BBS4: variants seen among roughly 807,000 people sequenced by gnomAD.
BBS4 encodes BBSome complex member BBS4.
A neutral mutation model predicts 71.4 loss-of-function variants in BBS4; 58 were observed. The observed-to-expected ratio is 0.81, with a 90% CI of 0.66 to 1.01. The LOEUF is 1.01. BBS4 is among the 50% of genes least tolerant of loss of function. The probability of loss-of-function intolerance (pLI) is 0.00; values close to 1 mark genes in which losing one functional copy is unlikely to be tolerated. For synonymous variants in BBS4, 228 were observed against 216.8 expected (o/e 1.05, Z -0.46); for missense variants, 660 against 607.9 (o/e 1.09, Z -0.90).
intron 2 of BBS4, among the ~76,000 whole-genome samples, chr15:72,700,468 T>C (rs2065151185): frequency 6.6e-6 from 1 of 152,238 alleles, no homozygotes; most frequent in Admixed American, 6.5e-5. Flanking sequence ...TATCAGTCTT[T>C]TTCATATTAG....
chr15:72,722,061 T>A (rs527654820), intron 6 of BBS4, among the ~76,000 whole-genome samples: 23 of 152,316 alleles, frequency 1.5e-4, no homozygotes, highest in Non-Finnish European at 2.9e-4. Context: ...TATAGCTTCA[T>A]ACAGACTCTG....
chr15:72,693,869 T>C (rs958686977), intron 1 of BBS4, among the ~76,000 whole-genome samples: 8 of 152,100 alleles, frequency 5.3e-5, no homozygotes, highest in Non-Finnish European at 1.2e-4. Context: ...TGTCAGTCTT[T>C]TTTGTTTTTC....
chr15:72,704,899 AAAC>A (rs2065236297), intron 2 of BBS4, among the ~76,000 whole-genome samples: 2 of 152,154 alleles, frequency 1.3e-5, no homozygotes, highest in Non-Finnish European at 2.9e-5. Context: ...AAACAAAACA[AAAC>A]AAAACAAAAA....
chr15:72,716,467 A>G (rs1260120827), intron 5 of BBS4, among the ~76,000 whole-genome samples: 2 of 152,212 alleles, frequency 1.3e-5, no homozygotes, highest in Non-Finnish European at 2.9e-5. Flanking sequence ...TTAACATGGT[A>G]TATCATTAGG....
intron 13 of BBS4, 104 bp downstream of exon 13, chr15:72,735,286 C>G: frequency 1.2e-6 from 1 of 864,252 alleles, no homozygotes; most frequent in Non-Finnish European, 1.9e-6. Context: ...CCCAGCTGTT[C>G]CTCTATGGCA....
chr15:72,710,589 C>T (rs940081345), intron 3 of BBS4, among the ~76,000 whole-genome samples: 1 of 152,092 alleles, frequency 6.6e-6, no homozygotes, highest in African/African-American at 2.4e-5. Context: ...TTCTCTGTAT[C>T]TTTGGTGACA....
At chr15:72,735,783 G>C in intron 13 of BBS4, 42 bp from the exon 14 acceptor site, 1 of 1,613,382 alleles carries the variant, frequency 6.2e-7, no homozygotes. Flanking sequence ...ATGACCATTT[G>C]TTGCAGAGCC....
intron 2 of BBS4, among the ~76,000 whole-genome samples, chr15:72,704,822 G>T (rs944072581): frequency 6.6e-6 from 1 of 152,034 alleles, no homozygotes; most frequent in Admixed American, 6.6e-5. Context: ...GGAGATTGCG[G>T]TGAGCTAAGA....
At position 72,731,359 on chromosome 15, in the gene BBS4, C is replaced by T. The variant is rs762950416; in HGVS notation, c.766C>T (p.Leu256Phe). Residue 256 changes from leucine to phenylalanine, a missense_variant, in exon 11 of 16, where the codon CTC (leucine) becomes TTC (phenylalanine). By Grantham distance (22) the Leu-to-Phe change is conservative. Transcript: ENST00000268057. ...MQTHGDFDVA[L>F]TKYRVVACAV... The stretch of plus-strand genomic sequence containing the variant: ...GACCCACGGGGACTTTGATGTTGCC[C>T]TCACCAAATACAGAGTTGTGGCTTG... 1.2e-6 allele frequency: 2 copies of T among 1,614,012 alleles called. No individual in the cohort carries two copies. Among genetic ancestry groups the T allele is most frequent in the African/African-American group, 2.7e-5 (2 of 74,892 alleles).
chr15:72,727,533 C>T (rs1426274328), intron 8 of BBS4, among the ~76,000 whole-genome samples: 2 of 152,016 alleles, frequency 1.3e-5, no homozygotes, highest in Admixed American at 6.6e-5. Context: ...ATTATGCTGC[C>T]TGGCATTGTG....
At chr15:72,736,669 C>A in intron 14 of BBS4, 93 bp from the exon 15 acceptor site, 1 of 1,204,634 alleles carries the variant, frequency 8.3e-7, no homozygotes, top group Non-Finnish European at 1.2e-6. Flanking sequence ...GACACTATTT[C>A]AGCTAAAACC....
rs368501923 is a variant in BBS4, at chr15:72,705,058, A to T, written c.77-4642A>T. 4.5e-4 allele frequency among the ~76,000 whole-genome samples: 69 copies of T among 152,312 alleles called. 1 individual carries two copies. Among genetic ancestry groups the T allele is most frequent in the African/African-American group, 1.5e-3 (62 of 41,560 alleles). On this transcript the variant is annotated intron_variant, in intron 2 of 15. Transcript: ENST00000268057. ...ATTTTATTTCCTGACCCTTCTATTTAAAAGTAAAACCCCCCACCCGGCACT... is the reference window on the plus strand; with the variant it reads ...ATTTTATTTCCTGACCCTTCTATTTTAAAGTAAAACCCCCCACCCGGCACT...
chr15:72,725,409 G>A (rs547348864), intron 8 of BBS4, among the ~76,000 whole-genome samples: 9 of 152,068 alleles, frequency 5.9e-5, no homozygotes, highest in Admixed American at 3.9e-4. Context: ...TGCACACATC[G>A]TTCCTGCTTA....
At chr15:72,708,257 C>T (rs532660961) in intron 2 of BBS4, among the ~76,000 whole-genome samples, 53 of 152,284 alleles carry the variant, frequency 3.5e-4, no homozygotes, top group Admixed American at 7.8e-4. Context: ...TGAGCCACTG[C>T]ACCTGGCCAG....
chr15:72,703,493 T>C (rs1245697708), intron 2 of BBS4, among the ~76,000 whole-genome samples: 1 of 152,188 alleles, frequency 6.6e-6, no homozygotes, highest in Non-Finnish European at 1.5e-5. Flanking sequence ...AAATATCCTA[T>C]TGAGGTAGAA....
chr15:72,735,277 C>G (rs921170076), intron 13 of BBS4, 95 bp downstream of exon 13: 6 of 935,170 alleles, frequency 6.4e-6, no homozygotes, highest in African/African-American at 1.6e-5. Flanking sequence ...CTGTGTCAGC[C>G]CAGCTGTTCC....
chr15:72,699,865 TACC>T (rs1567402680), intron 2 of BBS4, among the ~76,000 whole-genome samples: 1 of 152,348 alleles, frequency 6.6e-6, no homozygotes, highest in East Asian at 1.9e-4. Flanking sequence ...TGCATGAATA[TACC>T]ACCGTTTGTC....
In BBS4 at chr15:72,689,828, T is replaced by A. The variant is rs952829670; in HGVS notation, c.24+3577T>A. Among the ~76,000 whole-genome samples, 5 of 137,754 alleles carry A rather than the reference T, an allele frequency of 3.6e-5. No homozygotes were observed. In the East Asian group the frequency reaches 7.4e-4, roughly 21 times the overall value. The allele number at this position is 137,754 out of a possible 152,430, so 90.4% of individuals were successfully genotyped here. A position where few individuals can be genotyped will look rare whatever the true frequency, so the allele number is the denominator to read the frequency against. On this transcript the variant is annotated intron_variant, in intron 1 of 15. Coordinates refer to ENST00000268057, the MANE Select transcript of BBS4 (RefSeq NM_033028.5). ...TATTTATTTATTTATTTATTTATTT[T>A]GAGACGGAGTCTTGCTCTGTCGCCC... is the stretch of plus-strand genomic sequence containing the variant.
chr15:72,727,068 T>C (rs1437275798), intron 8 of BBS4, among the ~76,000 whole-genome samples: 1 of 152,204 alleles, frequency 6.6e-6, no homozygotes, highest in African/African-American at 2.4e-5. Context: ...GGATGTTTAT[T>C]ATGGCAGAAA....
Sources: gnomAD v4.1 joint callset for allele counts (sites outside exome capture counted in the v4.1 genomes callset) on GRCh38, gnomAD v4.1.1 for gene constraint, MANE v1.5 for transcripts, NCBI Gene and HGNC (gene_info 2026-07-23, HGNC 2026-07-21) for gene names.